Variants in DNAH17 observed in about 807,000 individuals in gnomAD.
DNAH17 encodes axonemal beta dynein heavy chain 17.
Under a neutral mutation model 485.6 loss-of-function variants are expected in DNAH17, and 376 were observed. That is an observed-to-expected ratio of 0.77 (90% CI 0.71 to 0.84). DNAH17 has a LOEUF of 0.84. DNAH17 is among the 40% of genes least tolerant of loss of function. DNAH17 has a pLI of 0.00. For synonymous variants in DNAH17, 3,031 were observed against 2,405.9 expected, an observed-to-expected ratio of 1.26 and a Z score of -7.60; for missense variants, 6,370 against 5,839.3, an observed-to-expected ratio of 1.09 and a Z score of -2.96.
Position 78,454,663 on chromosome 17 carries a change from G to T in DNAH17, c.10213C>A (p.Leu3405Met). The change falls in exon 64 of 81, where the codon CTG becomes ATG. Residue 3405 changes from leucine (L) to methionine (M), a missense_variant. Leu to Met is a conservative substitution (Grantham distance 15). Coordinates refer to ENST00000389840, the MANE Select transcript of DNAH17 (RefSeq NM_173628.4). ...GTGGCCACGTCCGCGTCATCTGTCA[G>T]CAGGCTCAAGGGATCCAGGCCATTC... Reference protein sequence around the residue: ...ITNGLDPLSLLTDDADVATWN... With the variant: ...ITNGLDPLSLMTDDADVATWN... 6.2e-7 allele frequency: 1 copy of T among 1,613,024 alleles called. No individual in the cohort carries two copies.
intron 80 of DNAH17, among the ~76,000 whole-genome samples, chr17:78,424,736 G>A (rs990442550): frequency 7.2e-5 from 11 of 152,222 alleles, no homozygotes; most frequent in Middle Eastern, 3.2e-3. Flanking sequence ...ATGGGGTGAC[G>A]TCAGCTGTTG....
At chr17:78,573,529 G>C (rs2092389189) in intron 2 of DNAH17, among the ~76,000 whole-genome samples, 1 of 151,708 alleles carries the variant, frequency 6.6e-6, no homozygotes, top group Admixed American at 6.6e-5. Context: ...AACCTGGGAG[G>C]TGGAGGTTGC....
chr17:78,430,763 G>A (rs2086643679), intron 75 of DNAH17, among the ~76,000 whole-genome samples: 1 of 152,052 alleles, frequency 6.6e-6, no homozygotes, highest in African/African-American at 2.4e-5. Flanking sequence ...TGGATTTTTA[G>A]TAGAGATGAG....
In DNAH17 at chr17:78,424,020, G is replaced by A. The variant is rs533842240; in HGVS notation, c.13275C>T (p.Pro4425=). 100 of 1,614,016 alleles carry A rather than the reference G, an allele frequency of 6.2e-5. No individual in the cohort carries two copies. Among genetic ancestry groups the A allele is most frequent in the East Asian group, 2.5e-4 (11 of 44,890 alleles). The change falls in exon 81 of 81, where the codon CCC becomes CCT. Residue 4425 remains proline, a synonymous_variant. Transcript: ENST00000389840. Reference sequence around the variant, plus strand: ...GGCCGCGGATGCGTGTTTTGTACACGGGACACTCATAGATGTTCTTGGTCT... The same window carrying A: ...GGCCGCGGATGCGTGTTTTGTACACAGGACACTCATAGATGTTCTTGGTCT... ...RMETKNIYEC[P]VYKTRIRGPT...
rs538997998 is a variant in DNAH17 at position 78,471,793 on chromosome 17, C to A, written c.8512-2910G>T. Among the ~76,000 whole-genome samples the A allele has an allele frequency of 1.6e-3, 239 of 152,260 alleles. 1 individual carries two copies. Among genetic ancestry groups the A allele is most frequent in the African/African-American group, 5.2e-3 (218 of 41,534 alleles). ...CCACCTCACCTTCCCCGCTCACTCTCTGGCACAGTCCCCTCCACTCCCGTC... is the reference window on the plus strand; with the variant it reads ...CCACCTCACCTTCCCCGCTCACTCTATGGCACAGTCCCCTCCACTCCCGTC... On this transcript the variant is annotated intron_variant, in intron 54 of 80. Coordinates refer to ENST00000389840, the MANE Select transcript of DNAH17 (RefSeq NM_173628.4).
chr17:78,454,069 T>A (rs16971417), intron 64 of DNAH17, among the ~76,000 whole-genome samples: 18 of 151,992 alleles, frequency 1.2e-4, no homozygotes, highest in African/African-American at 2.4e-5. Flanking sequence ...CCACCCGCCA[T>A]TGGATTTTCC....
rs1395315038 is a variant in DNAH17, at chr17:78,426,503, A to G, written c.12869T>C (p.Met4290Thr). ...DTWVARAYPS[M>T]MGLAAWYADL... Reference sequence around the variant, plus strand: ...TGCGTACCAGGCCGCCAGGCCCATCATGGAGGGGTAGGCCCGGGCCACCCA... The same window carrying G: ...TGCGTACCAGGCCGCCAGGCCCATCGTGGAGGGGTAGGCCCGGGCCACCCA... The change falls in exon 79 of 81, where the codon ATG becomes ACG. Residue 4290 changes from methionine to threonine, a missense_variant. Physicochemically the swap from Met to Thr is moderately conservative, Grantham distance 81. Transcript: ENST00000389840. 3.7e-6 allele frequency: 6 copies of G among 1,613,144 alleles called. No individual in the cohort carries two copies. The highest frequency in any genetic ancestry group is 1.1e-5 in the South Asian group (1 of 90,972).
At chr17:78,432,208 T>TAAATAAATAAATAAATA (rs1568042479) in intron 75 of DNAH17, among the ~76,000 whole-genome samples, 10 of 146,812 alleles carry the variant, frequency 6.8e-5, no homozygotes, top group African/African-American at 2.5e-4. Context: ...ATAAATAAAA[T>TAAATAAATAAATAAATA]AAATAAAAAT....
Position 78,428,538 on chromosome 17 carries a change from G to A in DNAH17, c.12575C>T (p.Ser4192Phe), listed in dbSNP as rs765427664. ...ETDSGAGTGV[S>F]REEKVKAVLD... ...CAAAGATCCTGCCTTCTCCTCGCGG[G>A]ACACTCCCGTGCCTGCCCCCGAGTC... Residue 4192 changes from serine to phenylalanine, a missense_variant, in exon 77 of 81, where the codon TCC becomes TTC. Coordinates refer to ENST00000389840, the MANE Select transcript of DNAH17 (RefSeq NM_173628.4). 1.9e-6 allele frequency: 3 copies of A among 1,608,460 alleles called. No individual in the cohort carries two copies. In the African/African-American group the frequency reaches 4.0e-5, roughly 22 times the overall value.
chr17:78,478,226 TCACCATCACCACC>T (rs1568118385), intron 51 of DNAH17, among the ~76,000 whole-genome samples: 14 of 87,936 alleles, frequency 1.6e-4, no homozygotes, highest in East Asian at 8.0e-4. Flanking sequence ...CATCACCACA[TCACCATCACCACC>T]ATCATCACCA....
intron 42 of DNAH17, among the ~76,000 whole-genome samples, chr17:78,492,151 G>A (rs952308099): frequency 7.2e-5 from 11 of 152,028 alleles, no homozygotes; most frequent in Admixed American, 3.9e-4. Flanking sequence ...CCCTGCTCCC[G>A]CTGACTCCTC....
In DNAH17 at chr17:78,491,568, G is replaced by T; in HGVS notation, c.6544C>A (p.Leu2182Met). The T allele has an allele frequency of 6.2e-7, 1 of 1,613,844 alleles. No homozygotes were observed. The highest frequency in any genetic ancestry group is 8.5e-7 in the Non-Finnish European group (1 of 1,179,860). ...NPVTREWKDGLFSTIMRDLAN... is the reference protein window; with the variant it reads ...NPVTREWKDGMFSTIMRDLAN... ...AGGTCTCGCATGATGGTGGAGAACA[G>T]GCCTGGGGGAGGCGCGTGGTATGAC... Residue 2182 changes from leucine (L) to methionine (M), a missense_variant and splice_region_variant, in exon 43 of 81, where the codon CTG becomes ATG. Transcript: ENST00000389840.
At position 78,486,387 on chromosome 17, in the gene DNAH17, A is replaced by G; in HGVS notation, c.6938T>C (p.Ile2313Thr). The G allele has an allele frequency of 6.2e-7, 1 of 1,613,852 alleles. No homozygotes were observed. The highest frequency in any genetic ancestry group is 8.5e-7 in the Non-Finnish European group (1 of 1,179,854). The change falls in exon 45 of 81, where the codon ATC (isoleucine) becomes ACC (threonine). Residue 2313 changes from isoleucine to threonine, a missense_variant. By Grantham distance (89) the Ile-to-Thr change is moderately conservative. Transcript: ENST00000389840. ...LDKLRFGFKK[I>T]TPVPEITVIQ... ...CACCGTGATCTCCGGCACTGGCGTG[A>G]TCTTCTTGAACCCAAAGCGCAACTT...
At chr17:78,523,931 T>A (rs913506596) in intron 25 of DNAH17, among the ~76,000 whole-genome samples, 19 of 152,284 alleles carry the variant, frequency 1.2e-4, no homozygotes, top group African/African-American at 4.1e-4. Flanking sequence ...AAATACTTTT[T>A]AAAAAAGAAA....
chr17:78,476,019 G>T (rs878986911), intron 52 of DNAH17, among the ~76,000 whole-genome samples, 186 bp from the exon 53 acceptor site: 1 of 152,172 alleles, frequency 6.6e-6, no homozygotes, highest in South Asian at 2.1e-4. Flanking sequence ...ATTTCCTAGA[G>T]TGGGAGGGTC....
At chr17:78,549,875 G>C (rs2091859653) in intron 16 of DNAH17, among the ~76,000 whole-genome samples, 1 of 152,234 alleles carries the variant, frequency 6.6e-6, no homozygotes, top group South Asian at 2.1e-4. Flanking sequence ...TGAAGATTCA[G>C]AAGCCCGTGG....
At chr17:78,441,768 T>A (rs1333771927) in intron 71 of DNAH17, among the ~76,000 whole-genome samples, 1 of 152,056 alleles carries the variant, frequency 6.6e-6, no homozygotes, top group Non-Finnish European at 1.5e-5. Flanking sequence ...CTGTAATGTA[T>A]AAAGAATGAA....
At chr17:78,456,924 A>G (rs1056919606) in intron 62 of DNAH17, among the ~76,000 whole-genome samples, 7 of 152,240 alleles carry the variant, frequency 4.6e-5, no homozygotes, top group Admixed American at 6.5e-5. Flanking sequence ...GGCCTGGAAC[A>G]GACTCAGCCC....
intron 13 of DNAH17, among the ~76,000 whole-genome samples, chr17:78,560,417 T>C (rs11868016): frequency 0.13 from 19,027 of 152,106 alleles, 3,967 homozygotes; most frequent in African/African-American, 0.43. Flanking sequence ...CAAGTGTGAA[T>C]TCTCCCCAGT....
Sources: gnomAD v4.1 joint callset for allele counts (sites outside exome capture counted in the v4.1 genomes callset) on GRCh38, gnomAD v4.1.1 for gene constraint, MANE v1.5 for transcripts, NCBI Gene and HGNC (gene_info 2026-07-23, HGNC 2026-07-21) for gene names.